Variants in BTBD16 observed in about 807,000 individuals in gnomAD.
BTBD16 encodes BTB domain containing 16.
BTBD16 carries 66 observed loss-of-function variants against 67.4 expected under a neutral mutation model. The observed-to-expected ratio is 0.98, with a 90% confidence interval of 0.80 to 1.20. The LOEUF (loss-of-function observed/expected upper bound fraction) is 1.20, where lower values mean the gene tolerates loss of function less well. Ranked by LOEUF, BTBD16 falls within the 50% of genes most tolerant of loss-of-function variation. The pLI, the probability that BTBD16 is intolerant of heterozygous loss-of-function variation, is 0.00. For missense variants in BTBD16, 634 were observed against 616.0 expected, an observed-to-expected ratio of 1.03 and a Z score of -0.31; for synonymous variants, 242 against 236.4, an observed-to-expected ratio of 1.02 and a Z score of -0.22.
At chr10:122,285,615 T>C (rs899663603) in intron 4 of BTBD16, among the ~76,000 whole-genome samples, 1 of 151,982 alleles carries the variant, frequency 6.6e-6, no homozygotes, top group African/African-American at 2.4e-5. Context: ...GCTACTGGCA[T>C]GTAGTAGGTA....
At chr10:122,272,324 C>G (rs2096330505) in intron 1 of BTBD16, among the ~76,000 whole-genome samples, 1 of 152,000 alleles carries the variant, frequency 6.6e-6, no homozygotes, top group South Asian at 2.1e-4. Flanking sequence ...ATGTTTGTAC[C>G]CAGACACGTT....
In BTBD16 at chr10:122,307,211, C is replaced by T. The variant is rs1256672950; in HGVS notation, c.814C>T (p.His272Tyr). ...CAGGTTATTTACCTTTAGTGAATTC[C>T]ATCTTCTGAAAACAATGCTTTTGTG... ...SPRLFTFSEF[H>Y]LLKTMLLWVF... is the part of the protein sequence containing the mutation. Residue 272 changes from histidine (H) to tyrosine (Y), a missense_variant, in exon 10 of 16, where the codon CAT (histidine) becomes TAT (tyrosine). Transcript: ENST00000260723. 2 of 1,603,168 alleles carry T rather than the reference C, an allele frequency of 1.2e-6. No individual in the cohort carries two copies. Among genetic ancestry groups the T allele is most frequent in the East Asian group, 2.3e-5 (1 of 44,288 alleles).
intron 10 of BTBD16, among the ~76,000 whole-genome samples, chr10:122,318,854 G>A (rs2096430789): frequency 6.6e-6 from 1 of 152,228 alleles, no homozygotes; most frequent in Non-Finnish European, 1.5e-5. Context: ...CCAAAGTGCT[G>A]GGATTACAGG....
chr10:122,334,843 TC>T (rs1565037662), intron 13 of BTBD16, 37 bp from the exon 14 acceptor site: 1 of 1,281,414 alleles, frequency 7.8e-7, no homozygotes, highest in Non-Finnish European at 1.1e-6. Flanking sequence ...CTAAATATTT[TC>T]CCCCCTTCAC....
intron 6 of BTBD16, among the ~76,000 whole-genome samples, chr10:122,290,670 A>C (rs2142066025): frequency 6.6e-6 from 1 of 152,278 alleles, no homozygotes; most frequent in South Asian, 2.1e-4. Flanking sequence ...CCTTTTTGGA[A>C]GTCCCCAGAC....
intron 1 of BTBD16, among the ~76,000 whole-genome samples, chr10:122,274,436 A>T (rs1477717452): frequency 2.0e-5 from 3 of 152,178 alleles, no homozygotes; most frequent in Non-Finnish European, 2.9e-5. Flanking sequence ...AGAGTTCTCC[A>T]GTTTCCTTTT....
chr10:122,294,548 G>A (rs1400884553), intron 7 of BTBD16, among the ~76,000 whole-genome samples: 1 of 138,270 alleles, frequency 7.2e-6, no homozygotes, highest in African/African-American at 2.7e-5. Context: ...GCATGCATGT[G>A]TATGCACACA....
chr10:122,314,099 A>C (rs1228939344), intron 10 of BTBD16, among the ~76,000 whole-genome samples: 1 of 152,212 alleles, frequency 6.6e-6, no homozygotes, highest in Non-Finnish European at 1.5e-5. Context: ...AAGACAAGAG[A>C]AGAAAATGCT....
chr10:122,312,722 C>A (rs985639976), intron 10 of BTBD16, among the ~76,000 whole-genome samples: 8 of 152,264 alleles, frequency 5.3e-5, no homozygotes, highest in African/African-American at 1.9e-4. Context: ...ATTTGTTAGC[C>A]ATTGGGTATC....
intron 10 of BTBD16, among the ~76,000 whole-genome samples, chr10:122,322,475 G>T (rs2096437306): frequency 1.3e-5 from 2 of 152,276 alleles, no homozygotes; most frequent in East Asian, 3.9e-4. Flanking sequence ...TCCATGAGGG[G>T]CAAAGGGTCT....
intron 10 of BTBD16, among the ~76,000 whole-genome samples, chr10:122,323,467 A>T (rs1223392992): frequency 6.6e-6 from 1 of 152,162 alleles, no homozygotes; most frequent in Non-Finnish European, 1.5e-5. Flanking sequence ...CTTTTATGGT[A>T]TGTGGGACAG....
chr10:122,314,739 T>C (rs2096420844), intron 10 of BTBD16, among the ~76,000 whole-genome samples: 2 of 152,308 alleles, frequency 1.3e-5, no homozygotes, highest in East Asian at 3.9e-4. Flanking sequence ...TTTCTTATTT[T>C]AATAGACTGT....
intron 10 of BTBD16, among the ~76,000 whole-genome samples, chr10:122,322,016 A>G (rs886266362): frequency 1.3e-5 from 2 of 152,112 alleles, no homozygotes; most frequent in African/African-American, 2.4e-5. Flanking sequence ...TTTAGTATCT[A>G]TAGAATTTGT....
intron 9 of BTBD16, among the ~76,000 whole-genome samples, chr10:122,303,861 G>A (rs577226908): frequency 6.6e-6 from 1 of 152,122 alleles, no homozygotes; most frequent in Non-Finnish European, 1.5e-5. Context: ...TCTTTGGTGT[G>A]GTTATCTGTT....
chr10:122,275,696 C>A (rs1274485933), intron 2 of BTBD16, among the ~76,000 whole-genome samples: 1 of 152,200 alleles, frequency 6.6e-6, no homozygotes, highest in African/African-American at 2.4e-5. Flanking sequence ...ACATCCATTC[C>A]TGTGGGTCCC....
intron 9 of BTBD16, among the ~76,000 whole-genome samples, chr10:122,299,364 T>A (rs536230271): frequency 1.3e-5 from 2 of 152,188 alleles, no homozygotes; most frequent in Non-Finnish European, 2.9e-5. Context: ...GAGTACCTGC[T>A]GTCTCAGGTA....
At chr10:122,280,276 T>A (rs1003213930) in intron 3 of BTBD16, among the ~76,000 whole-genome samples, 1 of 152,226 alleles carries the variant, frequency 6.6e-6, no homozygotes, top group Non-Finnish European at 1.5e-5. Context: ...TGCACATGTG[T>A]CAAGCATGTC....
chr10:122,276,648 G>C, intron 2 of BTBD16, 143 bp from the exon 3 acceptor site: 1 of 1,084,512 alleles, frequency 9.2e-7, no homozygotes, highest in Non-Finnish European at 1.3e-6. Context: ...GAGTTGTCTT[G>C]TGAGAAATAT....
At chr10:122,278,836 T>G in intron 3 of BTBD16, among the ~76,000 whole-genome samples, 1 of 152,234 alleles carries the variant, frequency 6.6e-6, no homozygotes, top group East Asian at 1.9e-4. Flanking sequence ...GATTCAGGAT[T>G]GGTTCTGCCA....
Sources: gnomAD v4.1 joint callset for allele counts (sites outside exome capture counted in the v4.1 genomes callset) on GRCh38, gnomAD v4.1.1 for gene constraint, MANE v1.5 for transcripts, NCBI Gene and HGNC (gene_info 2026-07-23, HGNC 2026-07-21) for gene names.